The following LDAH variants were observed in gnomAD, a reference collection of about 807,000 sequenced individuals.
LDAH encodes the protein lipid droplet-associated hydrolase.
LDAH carries 26 observed loss-of-function variants against 29.6 expected under a neutral mutation model. The ratio of observed to expected loss-of-function variants is 0.88; its 90% CI spans 0.64 to 1.22. LDAH has a LOEUF of 1.22. LDAH is among the 50% of genes most tolerant of loss of function. The pLI, the probability that LDAH is intolerant of heterozygous loss-of-function variation, is 0.00. For synonymous variants in LDAH, 117 were observed against 133.0 expected, an observed-to-expected ratio of 0.88 and a Z score of 0.83; for missense variants, 344 against 387.3, an observed-to-expected ratio of 0.89 and a Z score of 0.94.
chr2:20,688,206 A>G (rs1397757175), intron 6 of LDAH, among the ~76,000 whole-genome samples: 1 of 152,230 alleles, frequency 6.6e-6, no homozygotes, highest in Non-Finnish European at 1.5e-5. Context: ...GGTCAGAAGT[A>G]GTAGGCAGGA....
chr2:20,814,943 A>G (rs1272046815), intron 1 of LDAH, among the ~76,000 whole-genome samples: 1 of 152,174 alleles, frequency 6.6e-6, no homozygotes, highest in Non-Finnish European at 1.5e-5. Context: ...ATGTATGTTC[A>G]TGCTTCATCT....
chr2:20,706,579 T>C (rs1476419016), intron 5 of LDAH, among the ~76,000 whole-genome samples: 2 of 152,192 alleles, frequency 1.3e-5, no homozygotes, highest in East Asian at 1.9e-4. Context: ...TAAACTGTTA[T>C]TGGTTCCCAA....
At chr2:20,789,473 A>G (rs1439008535) in intron 3 of LDAH, 6 of 1,346,794 alleles carry the variant, frequency 4.5e-6, no homozygotes, top group Non-Finnish European at 3.9e-6. Context: ...GTATTTTGCT[A>G]TAGCAGCCCA....
chr2:20,808,387 C>T (rs564436773), intron 1 of LDAH, among the ~76,000 whole-genome samples: 23 of 152,176 alleles, frequency 1.5e-4, no homozygotes, highest in African/African-American at 5.1e-4. Flanking sequence ...CAAGGCCGGG[C>T]GCGGTGGCTC....
chr2:20,758,078 G>C (rs540957437), intron 4 of LDAH, among the ~76,000 whole-genome samples: 1 of 152,166 alleles, frequency 6.6e-6, no homozygotes, highest in African/African-American at 2.4e-5. Context: ...TAATACACAA[G>C]CATACGGATA....
At chr2:20,706,345 C>A (rs1290872247) in intron 5 of LDAH, among the ~76,000 whole-genome samples, 1 of 152,184 alleles carries the variant, frequency 6.6e-6, no homozygotes, top group Admixed American at 6.5e-5. Flanking sequence ...TGAAGCTTGG[C>A]TTCATTTAAA....
Position 20,740,098 on chromosome 2 carries a change from A to G in LDAH, c.576T>C (p.Val192=), listed in dbSNP as rs1483463369. ...LLCWFRYVLY[V]TGYLLLKPCP... ...ACGGTTTCAATAATAAGTAGCCAGT[A>G]ACATAGAGAACATATCGAAACCAGC... Residue 192 remains valine, a synonymous_variant, in exon 5 of 7, where the codon GTT becomes GTC. Coordinates refer to ENST00000237822, the MANE Select transcript of LDAH (RefSeq NM_021925.4). 1 of 1,614,152 alleles carries G rather than the reference A, an allele frequency of 6.2e-7. No individual in the cohort carries two copies. Among genetic ancestry groups the G allele is most frequent in the East Asian group, 2.2e-5 (1 of 44,878 alleles).
At chr2:20,702,516 C>G (rs1664018263) in intron 5 of LDAH, among the ~76,000 whole-genome samples, 1 of 152,160 alleles carries the variant, frequency 6.6e-6, no homozygotes, top group African/African-American at 2.4e-5. Context: ...GGTCTGACGC[C>G]AGTCATCTTG....
At chr2:20,803,390 C>T (rs563149384) in intron 1 of LDAH, among the ~76,000 whole-genome samples, 5 of 152,294 alleles carry the variant, frequency 3.3e-5, no homozygotes, top group Admixed American at 2.0e-4. Context: ...CCATATGCAC[C>T]GGCTTGGCCA....
intron 5 of LDAH, among the ~76,000 whole-genome samples, chr2:20,710,072 A>G (rs1180764157): frequency 6.6e-6 from 1 of 152,212 alleles, no homozygotes; most frequent in African/African-American, 2.4e-5. Context: ...ACCAGAAATT[A>G]ATGCAATTAA....
chr2:20,762,822 T>C lies in LDAH; in HGVS notation c.468+11988A>G, dbSNP rs575063110. On this transcript the variant is annotated intron_variant, in intron 4 of 6. Transcript: ENST00000237822. ...AGCTAAAGGCCCACATACTACAGAC[T>C]AGTGACTTCCATCACCAGGGTAATA... Among the ~76,000 whole-genome samples, 32 of 152,320 alleles carry C rather than the reference T, an allele frequency of 2.1e-4. 1 individual carries two copies. The South Asian group carries it at 6.4e-3, about 31-fold the overall frequency.
intron 3 of LDAH, among the ~76,000 whole-genome samples, chr2:20,779,167 A>G (rs1024437346): frequency 2.0e-5 from 3 of 152,208 alleles, no homozygotes; most frequent in African/African-American, 7.2e-5. Context: ...CTGTATCTTA[A>G]TAACTAAACA....
intron 1 of LDAH, among the ~76,000 whole-genome samples, chr2:20,811,626 A>G (rs1412739760): frequency 6.6e-6 from 1 of 151,706 alleles, no homozygotes; most frequent in Non-Finnish European, 1.5e-5. Context: ...CTGGGACGAC[A>G]GGCGCCTGCC....
intron 1 of LDAH, among the ~76,000 whole-genome samples, chr2:20,817,384 C>A (rs923474122): frequency 6.6e-6 from 1 of 151,990 alleles, no homozygotes; most frequent in African/African-American, 2.4e-5. Flanking sequence ...TATTACCCTA[C>A]CAAAGCCTGA....
At chr2:20,767,342 C>T (rs569909728) in intron 4 of LDAH, among the ~76,000 whole-genome samples, 27 of 152,332 alleles carry the variant, frequency 1.8e-4, no homozygotes, top group African/African-American at 6.3e-4. Context: ...CACTCCATGA[C>T]CTCTCCCTGC....
chr2:20,821,589 G>T (rs1029700772), intron 1 of LDAH, among the ~76,000 whole-genome samples: 4 of 152,112 alleles, frequency 2.6e-5, no homozygotes, highest in Admixed American at 2.0e-4. Flanking sequence ...ACACAGGAAG[G>T]GGGAGATCAC....
rs2149346558 is a variant in LDAH, at chr2:20,698,149, A to T, written c.786+3421T>A. 6.6e-6 allele frequency among the ~76,000 whole-genome samples: 1 copy of T among 152,328 alleles called. No individual in the cohort carries two copies. The highest frequency in any genetic ancestry group is 2.1e-4 in the South Asian group (1 of 4,826). On this transcript the variant is annotated intron_variant, in intron 6 of 6. Transcript: ENST00000237822. This position sits in a 1 kb window ranked among gnomAD's most constrained non-coding sequence, Gnocchi z 4.4. Reference sequence around the variant, plus strand: ...ACTCTAGTTAATGGCGTCCCCATCTATCCATCTGTCTAGCACATATTTACT... The same window carrying T: ...ACTCTAGTTAATGGCGTCCCCATCTTTCCATCTGTCTAGCACATATTTACT...
intron 3 of LDAH, among the ~76,000 whole-genome samples, chr2:20,779,482 AAAT>A (rs1290536142): frequency 6.6e-6 from 1 of 152,080 alleles, no homozygotes; most frequent in Non-Finnish European, 1.5e-5. Context: ...AGAAAAAATA[AAAT>A]AAAAAGTTTC....
intron 6 of LDAH, 84 bp downstream of exon 6, chr2:20,701,486 G>C (rs1228634892): frequency 9.0e-7 from 1 of 1,107,900 alleles, no homozygotes; most frequent in East Asian, 2.4e-5. Context: ...AAGTCTTACA[G>C]ATTCTAACTA....
Sources: gnomAD v4.1 joint callset for allele counts (sites outside exome capture counted in the v4.1 genomes callset) on GRCh38, gnomAD v4.1.1 for gene constraint, Gnocchi (gnomAD v3.1) non-coding constraint, MANE v1.5 for transcripts, NCBI Gene and HGNC (gene_info 2026-07-23, HGNC 2026-07-21) for gene names.